The following OR51B5 variants were observed in gnomAD, a reference collection of about 807,000 sequenced individuals.
The protein encoded by OR51B5 is olfactory receptor family 51 subfamily B member 5.
For missense variants in OR51B5, 456 were observed against 374.6 expected (o/e 1.22, Z -1.79); for synonymous variants, 186 against 144.8 (o/e 1.28, Z -2.04).
chr11:5,497,002 T>C (rs991564740), intron 1 of OR51B5, among the ~76,000 whole-genome samples: 4 of 151,078 alleles, frequency 2.6e-5, no homozygotes, highest in African/African-American at 9.8e-5. Flanking sequence ...CCCCATGGGC[T>C]ATCACAGATC....
chr11:5,426,067 C>T (rs571788636), intron 1 of OR51B5, among the ~76,000 whole-genome samples: 20 of 152,174 alleles, frequency 1.3e-4, no homozygotes, highest in Middle Eastern at 3.4e-3. Flanking sequence ...CACGAAGATG[C>T]GAATGAATCC....
At position 5,379,578 on chromosome 11, in the gene OR51B5, G is replaced by C. The variant is rs558613064; in HGVS notation, n.85-32668C>G. ...ATGCAATGTGTCTTTTTCTATGTCT[G>C]CTTTTAAGATTGGCATACATTTGTT... On this transcript the variant is annotated intron_variant and non_coding_transcript_variant, in intron 1 of 4. Coordinates refer to the OR51B5 transcript ENST00000415970. Among the ~76,000 whole-genome samples the C allele has an allele frequency of 6.6e-5, 10 of 151,968 alleles. No homozygotes were observed. In the South Asian group the frequency reaches 2.1e-3, roughly 32 times the overall value.
intron 1 of OR51B5, chr11:5,355,582 A>C (rs2736558): frequency 0.38 from 57,612 of 151,944 alleles, 11,126 homozygotes; most frequent in Non-Finnish European, 0.41. Flanking sequence ...GCAGTCCTGT[A>C]TCTGTCTAAA....
intron 1 of OR51B5, chr11:5,352,555 C>A: frequency 2.9e-6 from 2 of 683,326 alleles, no homozygotes; most frequent in Non-Finnish European, 5.0e-6. Context: ...TAATCAATCC[C>A]TGAGCATTTC....
exon 1 of OR51B5, chr11:5,343,039 A>G: frequency 6.2e-7 from 1 of 1,613,924 alleles, no homozygotes; most frequent in Non-Finnish European, 8.5e-7. Context: ...ACAGAAAAAA[A>G]TAGAGGGGCC....
chr11:5,448,973 A>C (rs961692023), intron 1 of OR51B5, among the ~76,000 whole-genome samples: 2 of 152,252 alleles, frequency 1.3e-5, no homozygotes, highest in African/African-American at 4.8e-5. Context: ...ATTTAAAGAG[A>C]CAAGAAGAGT....
At chr11:5,422,261 G>C in intron 1 of OR51B5, 1 of 1,614,058 alleles carries the variant, frequency 6.2e-7, no homozygotes. Flanking sequence ...GGACATCCCT[G>C]GATTTGAGGC....
chr11:5,371,575 A>G (rs4910775), intron 1 of OR51B5, among the ~76,000 whole-genome samples: 36,002 of 152,050 alleles, frequency 0.24, 4,500 homozygotes, highest in Non-Finnish European at 0.26. Flanking sequence ...GAAGGACCCT[A>G]AACAATTAGG....
intron 1 of OR51B5, among the ~76,000 whole-genome samples, chr11:5,478,233 A>C (rs1406819507): frequency 6.6e-6 from 1 of 151,698 alleles, no homozygotes; most frequent in East Asian, 1.9e-4. Flanking sequence ...ACTGGGAGGC[A>C]CCCCCCAGCA....
chr11:5,497,077 G>C (rs1851662149), intron 1 of OR51B5, among the ~76,000 whole-genome samples: 1 of 150,230 alleles, frequency 6.7e-6, no homozygotes, highest in Non-Finnish European at 1.5e-5. Context: ...AGAGAGGAAA[G>C]GAAAGAGAGG....
chr11:5,423,534 G>T (rs1471355523), intron 1 of OR51B5, among the ~76,000 whole-genome samples: 1 of 152,108 alleles, frequency 6.6e-6, no homozygotes, highest in East Asian at 1.9e-4. Flanking sequence ...TATTCTCTTA[G>T]GCAGTTCCAT....
In OR51B5 at chr11:5,492,297, T is replaced by A. The variant is rs117476023; in HGVS notation, n.84+13272A>T. On this transcript the variant is annotated intron_variant and non_coding_transcript_variant, in intron 1 of 4. Coordinates refer to the OR51B5 transcript ENST00000415970. Reference sequence around the variant, plus strand: ...ATGTAGAATTCAAAAAAACAAAAAATAAATTCTTCCCTCTGAGCTCTGAAG... The same window carrying A: ...ATGTAGAATTCAAAAAAACAAAAAAAAAATTCTTCCCTCTGAGCTCTGAAG... Among the ~76,000 whole-genome samples the A allele has an allele frequency of 8.4e-3, 1,274 of 152,116 alleles. 7 individuals carry two copies. The highest frequency in any genetic ancestry group is 0.02 in the Middle Eastern group (6 of 294).
chr11:5,470,096 C>T (rs1851204730), intron 1 of OR51B5, among the ~76,000 whole-genome samples: 1 of 152,168 alleles, frequency 6.6e-6, no homozygotes. Context: ...TCAAATTGTG[C>T]TGTATGCTAG....
At chr11:5,367,725 C>A (rs186043713) in intron 1 of OR51B5, among the ~76,000 whole-genome samples, 4 of 152,288 alleles carry the variant, frequency 2.6e-5, no homozygotes, top group Admixed American at 2.6e-4. Flanking sequence ...CCTTATTGTA[C>A]CCAGCTCCTA....
intron 1 of OR51B5, among the ~76,000 whole-genome samples, chr11:5,468,296 A>G (rs1163738389): frequency 6.6e-6 from 1 of 152,210 alleles, no homozygotes; most frequent in Non-Finnish European, 1.5e-5. Context: ...ACAGTTAATT[A>G]CAACATAGGG....
At chr11:5,495,227 G>C (rs769321944) in intron 1 of OR51B5, among the ~76,000 whole-genome samples, 4 of 152,112 alleles carry the variant, frequency 2.6e-5, no homozygotes, top group Non-Finnish European at 4.4e-5. Context: ...AGTTCTTCAA[G>C]TTGAAATGAC....
intron 1 of OR51B5, among the ~76,000 whole-genome samples, chr11:5,405,720 T>C (rs1376361332): frequency 6.6e-6 from 1 of 152,232 alleles, no homozygotes; most frequent in Non-Finnish European, 1.5e-5. Context: ...TGTCAATAAT[T>C]GACAAAGAGT....
intron 1 of OR51B5, among the ~76,000 whole-genome samples, chr11:5,377,060 A>C (rs902787222): frequency 2.0e-5 from 3 of 152,234 alleles, no homozygotes; most frequent in Admixed American, 6.5e-5. Context: ...AAAAATCCTC[A>C]ATAAAATACT....
In OR51B5 at chr11:5,343,272, G is replaced by A. The variant is rs1218953607; in HGVS notation, c.253C>T (p.Leu85=). The change falls in exon 1 of 1, where the codon CTG becomes TTG. Residue 85 remains leucine (L), a synonymous_variant. Coordinates refer to ENST00000300773, the Ensembl canonical transcript of OR51B5. Reference sequence around the variant, plus strand: ...GCACTTCCAATCTCCCTGTGATCCAGCCAGAGGACTCCCAGCACCGTGGGC... The same window carrying A: ...GCACTTCCAATCTCCCTGTGATCCAACCAGAGGACTCCCAGCACCGTGGGC... 4.3e-6 allele frequency: 7 copies of A among 1,613,090 alleles called. No homozygotes were observed. The Middle Eastern group carries it at 5.0e-4, about 114-fold the overall frequency.
Sources: allele counts gnomAD v4.1 joint callset (sites outside exome capture counted in the v4.1 genomes callset), GRCh38; gene constraint gnomAD v4.1.1; transcripts MANE v1.5; gene names NCBI Gene and HGNC (gene_info 2026-07-23, HGNC 2026-07-21).